The following TENM3 variants were observed in gnomAD, a reference collection of about 807,000 sequenced individuals.
TENM3 encodes the protein teneurin transmembrane protein 3.
A neutral mutation model predicts 255.1 loss-of-function variants in TENM3; 63 were observed. That is an observed-to-expected ratio of 0.25 (90% CI 0.20 to 0.30). The LOEUF is 0.30. Ranked by LOEUF, TENM3 falls within the 10% of genes least tolerant of loss-of-function variation. TENM3 has a pLI of 1.00. For missense variants in TENM3, 2,929 were observed against 3,461.1 expected, an observed-to-expected ratio of 0.85 and a Z score of 3.86; for synonymous variants, 1,306 against 1,322.3, an observed-to-expected ratio of 0.99 and a Z score of 0.27.
At chr4:182,223,641 G>T (rs1755973671) in intron 1 of TENM3, among the ~76,000 whole-genome samples, 1 of 152,042 alleles carries the variant, frequency 6.6e-6, no homozygotes, top group Admixed American at 6.6e-5. Context: ...GAAAACTGAG[G>T]CTCAGAGACA....
At chr4:182,543,627 T>TC (rs1285558524) in intron 3 of TENM3, among the ~76,000 whole-genome samples, 1 of 152,150 alleles carries the variant, frequency 6.6e-6, no homozygotes, top group African/African-American at 2.4e-5. Context: ...ATCTTTTTTT[T>TC]CACCAAAAAA....
chr4:182,181,983 A>C (rs1313359330), intron 1 of TENM3, among the ~76,000 whole-genome samples: 5 of 152,082 alleles, frequency 3.3e-5, no homozygotes, highest in Admixed American at 3.3e-4. Flanking sequence ...ATGAGTGAGC[A>C]CATGCCCATA....
chr4:182,717,194 G>A (rs994195626), intron 13 of TENM3, among the ~76,000 whole-genome samples: 2 of 152,128 alleles, frequency 1.3e-5, no homozygotes, highest in Non-Finnish European at 2.9e-5. Context: ...CATCACCACT[G>A]TTCAATGGTA....
the TENM3 span, among the ~76,000 whole-genome samples, chr4:181,938,781 C>T: frequency 5.9e-3 from 901 of 152,150 alleles, 6 homozygotes; most frequent in African/African-American, 0.021. Flanking sequence ...CCACTGTGGT[C>T]GCAAAAAAGC....
chr4:182,244,824 C>T (rs867746253), intron 1 of TENM3, among the ~76,000 whole-genome samples: 1 of 152,196 alleles, frequency 6.6e-6, no homozygotes, highest in African/African-American at 2.4e-5. Flanking sequence ...CACTTTACTT[C>T]TTACATTAAT....
At chr4:182,048,544 T>G in the TENM3 span, among the ~76,000 whole-genome samples, 1 of 152,204 alleles carries the variant, frequency 6.6e-6, no homozygotes. Context: ...AATATTCAAT[T>G]TGTAAACACA....
At chr4:182,446,783 A>T (rs931264571) in intron 3 of TENM3, among the ~76,000 whole-genome samples, 7 of 152,114 alleles carry the variant, frequency 4.6e-5, no homozygotes, top group African/African-American at 1.7e-4. Flanking sequence ...TAACCGTGTA[A>T]TGTTCTGCCA....
upstream of TENM3, among the ~76,000 whole-genome samples, chr4:182,140,993 C>G (rs1487778226): frequency 1.3e-5 from 2 of 149,542 alleles, no homozygotes; most frequent in African/African-American, 4.9e-5. Context: ...ATATCCCTCC[C>G]CCCCGCCCCC....
At chr4:181,802,475 GA>G in the TENM3 span, among the ~76,000 whole-genome samples, 177 of 152,040 alleles carry the variant, frequency 1.2e-3, no homozygotes, top group African/African-American at 4.0e-3. Context: ...TCTGAGAAGA[GA>G]AAAAAATAGG....
At chr4:182,040,536 A>G in the TENM3 span, among the ~76,000 whole-genome samples, 1 of 151,976 alleles carries the variant, frequency 6.6e-6, no homozygotes, top group Non-Finnish European at 1.5e-5. Flanking sequence ...TACCTATTCT[A>G]CTCCATCTCC....
the TENM3 span, among the ~76,000 whole-genome samples, chr4:181,652,118 G>A: frequency 1.4e-5 from 2 of 139,536 alleles, no homozygotes; most frequent in Non-Finnish European, 3.0e-5. Context: ...TTTCCCTTTT[G>A]GCAAATCACA....
At chr4:182,031,055 T>G in the TENM3 span, among the ~76,000 whole-genome samples, 2 of 152,228 alleles carry the variant, frequency 1.3e-5, no homozygotes. Flanking sequence ...CTCTTTAGTT[T>G]AATTAGATTG....
chr4:182,516,948 T>A (rs1348544176), intron 3 of TENM3, among the ~76,000 whole-genome samples: 2 of 152,004 alleles, frequency 1.3e-5, no homozygotes, highest in African/African-American at 2.4e-5. Flanking sequence ...AGAGAGTTGT[T>A]CATGTTTTCT....
chr4:181,622,225 C>T, the TENM3 span, among the ~76,000 whole-genome samples: 1 of 152,284 alleles, frequency 6.6e-6, no homozygotes, highest in Admixed American at 6.5e-5. Flanking sequence ...TCATGCATCG[C>T]TATGTGTGCC....
At chr4:182,000,586 G>A in the TENM3 span, among the ~76,000 whole-genome samples, 1 of 152,046 alleles carries the variant, frequency 6.6e-6, no homozygotes, top group Non-Finnish European at 1.5e-5. Flanking sequence ...TATTTATTAT[G>A]AACCCACAAT....
At chr4:182,689,418 A>C (rs945650188) in intron 12 of TENM3, among the ~76,000 whole-genome samples, 1 of 152,192 alleles carries the variant, frequency 6.6e-6, no homozygotes, top group Admixed American at 6.5e-5. Flanking sequence ...AAATTGTCAC[A>C]AGTGTGTCAT....
At position 182,549,251 on chromosome 4, in the gene TENM3, A is replaced by C. The variant is rs532429561; in HGVS notation, c.512-51673A>C. ...CAGCACAGTAATTATAGACCAAAAA[A>C]GTTCACTTCAAAGAATTAATACTGT... On this transcript the variant is annotated intron_variant, in intron 3 of 27. Coordinates refer to ENST00000511685, the MANE Select transcript of TENM3 (RefSeq NM_001080477.4). 2.7e-3 allele frequency among the ~76,000 whole-genome samples: 410 copies of C among 152,360 alleles called. 1 individual carries two copies. Among genetic ancestry groups the C allele is most frequent in the Non-Finnish European group, 4.1e-3 (277 of 68,028 alleles).
chr4:181,643,475 C>T, the TENM3 span, among the ~76,000 whole-genome samples: 1 of 152,094 alleles, frequency 6.6e-6, no homozygotes, highest in East Asian at 1.9e-4. Context: ...ATTTGAATAC[C>T]CTTTATTTCT....
At chr4:181,575,494 G>A in the TENM3 span, among the ~76,000 whole-genome samples, 1 of 152,112 alleles carries the variant, frequency 6.6e-6, no homozygotes, top group Non-Finnish European at 1.5e-5. Flanking sequence ...AAAGACATTA[G>A]CAAGCAACCC....
Sources: gnomAD v4.1 joint callset for allele counts (sites outside exome capture counted in the v4.1 genomes callset) on GRCh38, gnomAD v4.1.1 for gene constraint, MANE v1.5 for transcripts, NCBI Gene and HGNC (gene_info 2026-07-23, HGNC 2026-07-21) for gene names.